Variants in SLC35F4 observed in about 807,000 individuals in gnomAD.
The protein encoded by SLC35F4 is chromosome 14 open reading frame 36.
Under a neutral mutation model 44.2 loss-of-function variants are expected in SLC35F4, and 24 were observed. The ratio of observed to expected loss-of-function variants is 0.54; its 90% confidence interval spans 0.39 to 0.76. SLC35F4 has a LOEUF of 0.76. Ranked by LOEUF, SLC35F4 falls within the 30% of genes least tolerant of loss-of-function variation. The pLI, the probability that SLC35F4 is intolerant of heterozygous loss-of-function variation, is 0.00. For synonymous variants in SLC35F4, 238 were observed against 223.6 expected (o/e 1.06, Z -0.57); for missense variants, 562 against 586.1 (o/e 0.96, Z 0.42).
intron 1 of SLC35F4, among the ~76,000 whole-genome samples, chr14:57,772,355 G>GT (rs1027677567): frequency 4.1e-5 from 6 of 147,666 alleles, no homozygotes; most frequent in East Asian, 2.1e-4. Flanking sequence ...AGCCTTCACT[G>GT]TTTTTTTTGT....
At chr14:57,692,666 T>G (rs1389722933) in intron 1 of SLC35F4, among the ~76,000 whole-genome samples, 1 of 152,178 alleles carries the variant, frequency 6.6e-6, no homozygotes, top group African/African-American at 2.4e-5. Context: ...TAATTGTATA[T>G]TTCTAACACA....
chr14:57,887,446 G>A (rs556631776), intron 1 of SLC35F4, among the ~76,000 whole-genome samples: 20 of 152,200 alleles, frequency 1.3e-4, no homozygotes, highest in South Asian at 2.1e-4. Context: ...CCCGATAAAC[G>A]GGATGTTACT....
intron 1 of SLC35F4, among the ~76,000 whole-genome samples, chr14:57,878,735 T>A (rs973395856): frequency 3.9e-5 from 6 of 152,126 alleles, no homozygotes; most frequent in Non-Finnish European, 7.4e-5. Context: ...CATTTTTTTT[T>A]ATTGTTGTTG....
intron 1 of SLC35F4, among the ~76,000 whole-genome samples, chr14:57,805,912 C>A (rs948654750): frequency 1.3e-5 from 2 of 152,142 alleles, no homozygotes; most frequent in African/African-American, 2.4e-5. Flanking sequence ...AGAAAAGGCA[C>A]TAGAAAACCA....
chr14:57,779,062 A>G (rs1253039121), intron 1 of SLC35F4, among the ~76,000 whole-genome samples: 1 of 152,134 alleles, frequency 6.6e-6, no homozygotes, highest in African/African-American at 2.4e-5. Flanking sequence ...AACTAAAAGA[A>G]CTAGAGAAGC....
chr14:57,907,878 A>C (rs1889135240), intron 1 of SLC35F4, among the ~76,000 whole-genome samples: 1 of 152,040 alleles, frequency 6.6e-6, no homozygotes, highest in African/African-American at 2.4e-5. Flanking sequence ...GGGTTGTTAC[A>C]TAAGTATATG....
At chr14:57,928,735 C>T (rs1009197996) in intron 1 of SLC35F4, among the ~76,000 whole-genome samples, 8 of 152,178 alleles carry the variant, frequency 5.3e-5, no homozygotes, top group Admixed American at 3.9e-4. Context: ...GTGCCAAAAC[C>T]AAGATGACAG....
At chr14:57,718,728 A>G (rs920479020) in intron 1 of SLC35F4, among the ~76,000 whole-genome samples, 11 of 152,026 alleles carry the variant, frequency 7.2e-5, no homozygotes, top group African/African-American at 1.2e-4. Context: ...AGCTCCTTAT[A>G]TATTCTTGTT....
intron 1 of SLC35F4, among the ~76,000 whole-genome samples, chr14:57,686,675 C>T (rs569951336): frequency 3.3e-5 from 5 of 152,244 alleles, no homozygotes; most frequent in Non-Finnish European, 7.4e-5. Context: ...TCCATTTCGG[C>T]ACAAGACCTT....
chr14:57,814,767 G>A (rs1882371549), intron 1 of SLC35F4, among the ~76,000 whole-genome samples: 1 of 152,174 alleles, frequency 6.6e-6, no homozygotes, highest in African/African-American at 2.4e-5. Context: ...TGGACCCTGG[G>A]TATGGCGATG....
chr14:57,893,944 T>C (rs541822159), intron 1 of SLC35F4, among the ~76,000 whole-genome samples: 8 of 152,124 alleles, frequency 5.3e-5, no homozygotes, highest in Non-Finnish European at 8.8e-5. Context: ...AATTCAAAAG[T>C]ATTTTGGTTT....
chr14:57,568,565 G>C (rs985514021), intron 6 of SLC35F4, among the ~76,000 whole-genome samples: 11 of 152,138 alleles, frequency 7.2e-5, no homozygotes, highest in Non-Finnish European at 1.6e-4. Context: ...TAGAACTCAA[G>C]GGACCAACAA....
chr14:57,605,809 A>G (rs1250623242), intron 1 of SLC35F4, among the ~76,000 whole-genome samples: 1 of 152,204 alleles, frequency 6.6e-6, no homozygotes, highest in Non-Finnish European at 1.5e-5. Flanking sequence ...CGTCCCTTGC[A>G]ACAACACAGA....
intron 1 of SLC35F4, among the ~76,000 whole-genome samples, chr14:57,641,230 G>A (rs749141280): frequency 1.3e-5 from 2 of 151,972 alleles, no homozygotes; most frequent in East Asian, 1.9e-4. Flanking sequence ...TCATAAACAC[G>A]CTAACTTTAA....
chr14:57,794,785 A>G (rs765598750), intron 1 of SLC35F4, among the ~76,000 whole-genome samples: 1 of 151,160 alleles, frequency 6.6e-6, no homozygotes, highest in African/African-American at 2.4e-5. Flanking sequence ...TGCAAATAAT[A>G]TGTAAATGAA....
chr14:57,805,446 A>G (rs1881199060), intron 1 of SLC35F4, among the ~76,000 whole-genome samples: 1 of 152,224 alleles, frequency 6.6e-6, no homozygotes, highest in Non-Finnish European at 1.5e-5. Flanking sequence ...AGCCATAGAA[A>G]GAAGAAGATC....
At chr14:57,968,355 G>T (rs992843076) in intron 1 of SLC35F4, among the ~76,000 whole-genome samples, 1 of 152,108 alleles carries the variant, frequency 6.6e-6, no homozygotes, top group South Asian at 2.1e-4. Flanking sequence ...TAGAGCTAAC[G>T]CCCATTACAC....
intron 1 of SLC35F4, among the ~76,000 whole-genome samples, chr14:57,794,224 T>C (rs1304932847): frequency 6.6e-6 from 1 of 152,108 alleles, no homozygotes; most frequent in Non-Finnish European, 1.5e-5. Context: ...TAAAAACTTC[T>C]GCACAGCAAA....
intron 1 of SLC35F4, among the ~76,000 whole-genome samples, chr14:57,616,947 A>G (rs566296089): frequency 3.3e-5 from 5 of 151,818 alleles, no homozygotes; most frequent in African/African-American, 4.8e-5. Flanking sequence ...CCTCTCAATC[A>G]GAGCCACAGA....
Sources: gnomAD v4.1 joint callset for allele counts (sites outside exome capture counted in the v4.1 genomes callset) on GRCh38, gnomAD v4.1.1 for gene constraint, MANE v1.5 for transcripts, NCBI Gene and HGNC (gene_info 2026-07-23, HGNC 2026-07-21) for gene names.